The following TMEM44 variants were observed in gnomAD, a reference collection of about 807,000 sequenced individuals.
TMEM44 encodes transmembrane protein 44.
TMEM44 carries 43 observed loss-of-function variants against 47.8 expected under a neutral mutation model. The observed-to-expected ratio is 0.90, with a 90% CI of 0.70 to 1.16. The LOEUF is 1.16. TMEM44 is among the 50% of genes most tolerant of loss of function. TMEM44 has a pLI of 0.00. For missense variants in TMEM44, 568 were observed against 555.2 expected (o/e 1.02, Z -0.23); for synonymous variants, 277 against 238.8 (o/e 1.16, Z -1.48).
chr3:194,632,631 G>A (rs555649971), intron 1 of TMEM44, among the ~76,000 whole-genome samples: 1 of 152,288 alleles, frequency 6.6e-6, no homozygotes, highest in East Asian at 1.9e-4. Context: ...CCTAAGAGTT[G>A]GTGGCCTAGC....
At chr3:194,617,829 C>T in intron 5 of TMEM44, 2 of 690,408 alleles carry the variant, frequency 2.9e-6, no homozygotes, top group Non-Finnish European at 5.3e-6. Context: ...TGGTCTGGCA[C>T]CATACCCTGG....
chr3:194,621,246 C>A (rs1264653657), intron 5 of TMEM44, among the ~76,000 whole-genome samples: 1 of 152,172 alleles, frequency 6.6e-6, no homozygotes, highest in African/African-American at 2.4e-5. Context: ...GCTACCCGAA[C>A]CTGGGAGAGG....
In TMEM44 at chr3:194,630,961, C is replaced by T. The variant is rs1345288172; in HGVS notation, c.137+2118G>A. Among the ~76,000 whole-genome samples, 14 of 116,704 alleles carry T rather than the reference C, an allele frequency of 1.2e-4. 1 individual carries two copies. Among genetic ancestry groups the T allele is most frequent in the African/African-American group, 1.0e-4 (3 of 29,308 alleles). The allele number at this position is 116,704 out of a possible 152,430, so 76.6% of individuals were successfully genotyped here. ...GCCTCCTGGAGGGGCTGGCTGTTTC[C>T]GTCGGCATCACTGATAGGGCCTCTG... On this transcript the variant is annotated intron_variant, in intron 1 of 9. Transcript: ENST00000347147.
intron 5 of TMEM44, among the ~76,000 whole-genome samples, chr3:194,621,513 G>A (rs1716533723): frequency 6.6e-6 from 1 of 152,094 alleles, no homozygotes; most frequent in African/African-American, 2.4e-5. Flanking sequence ...GTGGGCTGCT[G>A]AGCTGAGCCC....
chr3:194,594,165 A>ATCTATCTATCTC (rs766929721), intron 9 of TMEM44, among the ~76,000 whole-genome samples: 1 of 76,444 alleles, frequency 1.3e-5, no homozygotes, highest in African/African-American at 3.5e-5. Context: ...CTATCTATCT[A>ATCTATCTATCTC]TATCTATCTA....
At position 194,623,420 on chromosome 3, in the gene TMEM44, C is replaced by T. The variant is rs73085032; in HGVS notation, c.525+109G>A. On this transcript the variant is annotated intron_variant, in intron 4 of 9. Transcript: ENST00000347147. ...CTTTTCTGCTTTTAGAGGGTTCTTC[C>T]AACAAAGGAAGGCTTAACCCCACTC... 3.5e-3 allele frequency: 5,291 copies of T among 1,506,562 alleles called. 165 individuals carry two copies. In the African/African-American group the frequency reaches 0.065, roughly 19 times the overall value. The allele number at this position is 1,506,562 out of a possible 1,614,324, so 93.3% of individuals were successfully genotyped here.
intron 9 of TMEM44, among the ~76,000 whole-genome samples, chr3:194,596,377 GT>G (rs1182714443): frequency 1.3e-5 from 2 of 152,192 alleles, no homozygotes; most frequent in East Asian, 3.9e-4. Flanking sequence ...GAGTACAGAA[GT>G]TTTCCAGAGT....
At chr3:194,631,494 G>A (rs928717284) in intron 1 of TMEM44, among the ~76,000 whole-genome samples, 1 of 152,230 alleles carries the variant, frequency 6.6e-6, no homozygotes, top group African/African-American at 2.4e-5. Context: ...GAAGCTCACA[G>A]TGGCAACATC....
At chr3:194,629,309 C>T (rs1425288423) in intron 1 of TMEM44, among the ~76,000 whole-genome samples, 5 of 152,248 alleles carry the variant, frequency 3.3e-5, no homozygotes, top group African/African-American at 1.2e-4. Context: ...CTGGCTTCTG[C>T]TGGCCTGTGT....
At chr3:194,628,355 G>A in intron 2 of TMEM44, 28 bp downstream of exon 2, 2 of 1,602,002 alleles carry the variant, frequency 1.2e-6, no homozygotes, top group Non-Finnish European at 1.7e-6. Flanking sequence ...GCTGGCCTAA[G>A]CCACTGTCAG....
intron 8 of TMEM44, among the ~76,000 whole-genome samples, chr3:194,609,789 G>T (rs148996989): frequency 1.6e-3 from 240 of 151,954 alleles, no homozygotes; most frequent in African/African-American, 5.5e-3. Flanking sequence ...CCTTTTCCTC[G>T]GGCTTCCAAC....
chr3:194,595,560 G>A (rs116422070), intron 9 of TMEM44, among the ~76,000 whole-genome samples: 2,115 of 151,784 alleles, frequency 0.014, 48 homozygotes, highest in African/African-American at 0.048. Context: ...GATGGTGCTC[G>A]ACTTCGGATG....
At chr3:194,617,515 C>T (rs1247509439) in intron 5 of TMEM44, 9 of 609,992 alleles carry the variant, frequency 1.5e-5, no homozygotes, top group African/African-American at 5.5e-5. Flanking sequence ...CACCCTAAGG[C>T]GAGCAAGCAA....
rs150171282 is a variant in TMEM44, at chr3:194,600,057, G to T, written c.1176+4230C>A. Reference sequence around the variant, plus strand: ...TTACAGGTGTGAGCCACCAAGCCCAGCCCCTTTTCCAAATTTTCTACCAAA... The same window carrying T: ...TTACAGGTGTGAGCCACCAAGCCCATCCCCTTTTCCAAATTTTCTACCAAA... On this transcript the variant is annotated intron_variant, in intron 9 of 9. Coordinates refer to ENST00000347147, the MANE Select transcript of TMEM44 (RefSeq NM_001011655.3). 1.9e-3 allele frequency among the ~76,000 whole-genome samples: 283 copies of T among 151,948 alleles called. 2 individuals carry two copies. Among genetic ancestry groups the T allele is most frequent in the African/African-American group, 6.4e-3 (265 of 41,450 alleles).
intron 8 of TMEM44, among the ~76,000 whole-genome samples, chr3:194,610,069 A>T (rs1294448884): frequency 6.6e-6 from 1 of 152,108 alleles, no homozygotes; most frequent in East Asian, 1.9e-4. Flanking sequence ...TCTAGTAAAA[A>T]TACAAAAATT....
Position 194,604,327 on chromosome 3 carries a change from C to A in TMEM44, c.1136G>T (p.Gly379Val). 1 of 1,579,434 alleles carries A rather than the reference C, an allele frequency of 6.3e-7. No homozygotes were observed. The highest frequency in any genetic ancestry group is 8.6e-7 in the Non-Finnish European group (1 of 1,163,224). Reference protein sequence around the residue: ...VQVIRARVSSGSSSEVSSINS... With the variant: ...VQVIRARVSSVSSSEVSSINS... ...GATGGAGGAGACCTCAGAGGAGCTG[C>A]CGGAAGACACCCGGGCCCGGATGAC... The change falls in exon 9 of 10, where the codon GGC becomes GTC. Residue 379 changes from glycine (G) to valine (V), a missense_variant. Transcript: ENST00000347147.
intron 9 of TMEM44, 125 bp from the exon 10 acceptor site, chr3:194,588,764 A>C: frequency 1.1e-6 from 1 of 921,350 alleles, no homozygotes; most frequent in Non-Finnish European, 1.7e-6. Flanking sequence ...ACAAGGACAA[A>C]AGGGTAAGGA....
At chr3:194,628,341 T>G (rs1717390879) in intron 2 of TMEM44, 42 bp downstream of exon 2, 2 of 1,589,632 alleles carry the variant, frequency 1.3e-6, no homozygotes, top group African/African-American at 2.7e-5. Context: ...AGGCCTCCCT[T>G]AGTGCTGGCC....
intron 2 of TMEM44, among the ~76,000 whole-genome samples, chr3:194,626,985 G>A (rs1000141602): frequency 1.1e-4 from 17 of 150,140 alleles, no homozygotes; most frequent in East Asian, 2.0e-4. Flanking sequence ...GCAGTGGCAC[G>A]ATCTCGGCTT....
Sources: gnomAD v4.1 joint callset for allele counts (sites outside exome capture counted in the v4.1 genomes callset) on GRCh38, gnomAD v4.1.1 for gene constraint, MANE v1.5 for transcripts, NCBI Gene and HGNC (gene_info 2026-07-23, HGNC 2026-07-21) for gene names.